SUCLA2: variants seen among roughly 807,000 people sequenced by gnomAD.
The protein encoded by SUCLA2 is succinate--CoA ligase [ADP-forming] subunit beta, mitochondrial.
Under a neutral mutation model 54.8 loss-of-function variants are expected in SUCLA2, and 30 were observed. The observed-to-expected ratio is 0.55, with a 90% confidence interval of 0.41 to 0.74. SUCLA2 has a LOEUF of 0.74. Ranked by LOEUF, SUCLA2 falls within the 30% of genes least tolerant of loss-of-function variation. The pLI, the probability that SUCLA2 is intolerant of heterozygous loss-of-function variation, is 0.00. For synonymous variants in SUCLA2, 172 were observed against 188.9 expected, an observed-to-expected ratio of 0.91 and a Z score of 0.74; for missense variants, 476 against 562.9, an observed-to-expected ratio of 0.85 and a Z score of 1.56.
At chr13:47,943,869 T>C (rs921775285) in intron 10 of SUCLA2, among the ~76,000 whole-genome samples, 2 of 151,620 alleles carry the variant, frequency 1.3e-5, no homozygotes, top group Non-Finnish European at 2.9e-5. Context: ...AAAAATTTGT[T>C]TTGAAATAAG....
At chr13:47,957,842 C>T (rs1949834184) in intron 6 of SUCLA2, among the ~76,000 whole-genome samples, 1 of 152,116 alleles carries the variant, frequency 6.6e-6, no homozygotes, top group Non-Finnish European at 1.5e-5. Flanking sequence ...TGCAGTTGAC[C>T]AAGCCCAACT....
chr13:47,962,798 A>G (rs547356406), intron 6 of SUCLA2, among the ~76,000 whole-genome samples: 56 of 152,292 alleles, frequency 3.7e-4, no homozygotes, highest in African/African-American at 1.3e-3. Flanking sequence ...CAACAGTCCC[A>G]TAGACTGTTC....
intron 4 of SUCLA2, among the ~76,000 whole-genome samples, chr13:47,974,840 C>G (rs1413594432): frequency 6.6e-6 from 1 of 151,936 alleles, no homozygotes; most frequent in Admixed American, 6.6e-5. Flanking sequence ...TGTTTACTGA[C>G]AGGAAACTAC....
chr13:47,991,799 G>C (rs1303399765), intron 2 of SUCLA2: 1 of 152,186 alleles, frequency 6.6e-6, no homozygotes, highest in Non-Finnish European at 1.5e-5. Flanking sequence ...ACTACAACTA[G>C]AGCTGATTAG....
intron 1 of SUCLA2, chr13:48,000,975 T>A: frequency 7.0e-7 from 1 of 1,419,862 alleles, no homozygotes; most frequent in South Asian, 1.5e-5. Context: ...CCTCGCGGAC[T>A]AAGGGCTGGG....
chr13:47,947,573 G>A (rs1389856170), intron 10 of SUCLA2, among the ~76,000 whole-genome samples: 3 of 152,104 alleles, frequency 2.0e-5, no homozygotes, highest in African/African-American at 7.2e-5. Flanking sequence ...ACAAAATACT[G>A]GATCTAAGCT....
chr13:47,964,665 G>A (rs1322396854), intron 6 of SUCLA2, among the ~76,000 whole-genome samples: 9 of 152,088 alleles, frequency 5.9e-5, no homozygotes, highest in Non-Finnish European at 1.3e-4. Context: ...AGACCATCCT[G>A]GCTAACACGG....
intron 5 of SUCLA2, among the ~76,000 whole-genome samples, chr13:47,972,333 G>C (rs1393788192): frequency 6.6e-6 from 1 of 151,968 alleles, no homozygotes; most frequent in African/African-American, 2.4e-5. Flanking sequence ...AAATTGATTT[G>C]AAACAACTAG....
chr13:47,979,431 G>A (rs1950043939), intron 4 of SUCLA2, among the ~76,000 whole-genome samples: 1 of 151,996 alleles, frequency 6.6e-6, no homozygotes, highest in South Asian at 2.1e-4. Flanking sequence ...AGTGGGAGTT[G>A]AACAATGAGA....
At chr13:47,987,653 G>C (rs1267948294) in intron 4 of SUCLA2, 2 of 151,862 alleles carry the variant, frequency 1.3e-5, no homozygotes, top group African/African-American at 4.8e-5. Context: ...AACATTAATA[G>C]ATTTAATTGT....
At chr13:47,959,961 T>C (rs897563128) in intron 6 of SUCLA2, among the ~76,000 whole-genome samples, 4 of 152,150 alleles carry the variant, frequency 2.6e-5, no homozygotes, top group African/African-American at 9.7e-5. Flanking sequence ...GAGTATTTAC[T>C]GATCATGGGC....
At position 47,973,291 on chromosome 13, in the gene SUCLA2, T is replaced by C. The variant is rs554024850; in HGVS notation, c.636A>G (p.Glu212=). 3.1e-6 allele frequency: 5 copies of C among 1,613,484 alleles called. No homozygotes were observed. Among genetic ancestry groups the C allele is most frequent in the South Asian group, 2.2e-5 (2 of 91,072 alleles). Residue 212 remains glutamate, a synonymous_variant, in exon 5 of 11, where the codon GAA becomes GAG. Coordinates refer to ENST00000646932, the MANE Select transcript of SUCLA2 (RefSeq NM_003850.3). The stretch of plus-strand genomic sequence containing the variant: ...GGAGAGCTTGTTCCTTTTTGATGCC[T>C]TCTTCAATATCAATAGGTTCTTTAA... The part of the protein sequence containing the change: ...AIIKEPIDIE[E]GIKKEQALQL...
intron 6 of SUCLA2, among the ~76,000 whole-genome samples, chr13:47,960,157 G>C (rs1949858076): frequency 6.6e-6 from 1 of 151,964 alleles, no homozygotes; most frequent in Non-Finnish European, 1.5e-5. Flanking sequence ...TTTGTTTTTT[G>C]CTTCTAATTT....
At chr13:47,960,902 G>T (rs560587631) in intron 6 of SUCLA2, among the ~76,000 whole-genome samples, 1 of 152,294 alleles carries the variant, frequency 6.6e-6, no homozygotes, top group Admixed American at 6.5e-5. Flanking sequence ...AGGGATCACT[G>T]CGGAAGAGGT....
chr13:47,962,456 G>A (rs1295811860), intron 6 of SUCLA2, among the ~76,000 whole-genome samples: 3 of 152,182 alleles, frequency 2.0e-5, no homozygotes, highest in African/African-American at 7.2e-5. Context: ...GAATCTATGG[G>A]CAATGATTCT....
chr13:47,964,623 C>T (rs776388167), intron 6 of SUCLA2, among the ~76,000 whole-genome samples: 5 of 151,996 alleles, frequency 3.3e-5, no homozygotes, highest in Non-Finnish European at 5.9e-5. Flanking sequence ...TTTGGGAGGC[C>T]AAGGCGGGCG....
Position 47,954,290 on chromosome 13 carries a change from G to A in SUCLA2, c.965-8C>T, listed in dbSNP as rs1225032007. The A allele has an allele frequency of 1.9e-6, 3 of 1,613,730 alleles. No homozygotes were observed. The highest frequency in any genetic ancestry group is 3.3e-4 in the Middle Eastern group (2 of 6,058). On this transcript the variant is annotated splice_region_variant and splice_polypyrimidine_tract_variant and intron_variant, in intron 7 of 10. Transcript: ENST00000646932. ...CCAAACCAGCACCATTTACTATATA[G>A]GGGAAAATGATTTGTATAAGCAACA...
At chr13:47,964,838 C>G (rs1456195113) in intron 6 of SUCLA2, among the ~76,000 whole-genome samples, 1 of 151,684 alleles carries the variant, frequency 6.6e-6, no homozygotes, top group Admixed American at 6.6e-5. Flanking sequence ...GCCTGGGTGA[C>G]AGAGCAAGAC....
At chr13:47,964,660 A>G (rs187317923) in intron 6 of SUCLA2, among the ~76,000 whole-genome samples, 15 of 152,270 alleles carry the variant, frequency 9.9e-5, no homozygotes, top group South Asian at 2.1e-4. Flanking sequence ...GATCGAGACC[A>G]TCCTGGCTAA....
Sources: gnomAD v4.1 joint callset for allele counts (sites outside exome capture counted in the v4.1 genomes callset) on GRCh38, gnomAD v4.1.1 for gene constraint, MANE v1.5 for transcripts, NCBI Gene and HGNC (gene_info 2026-07-23, HGNC 2026-07-21) for gene names.